Variants in GRM7 observed in about 807,000 individuals in gnomAD.
The protein encoded by GRM7 is metabotropic glutamate receptor 7.
GRM7 carries 35 observed loss-of-function variants against 84.5 expected under a neutral mutation model. The observed-to-expected ratio is 0.41, with a 90% confidence interval of 0.32 to 0.55. The LOEUF (loss-of-function observed/expected upper bound fraction) is 0.55, where lower values mean the gene tolerates loss of function less well. Among genes scored for constraint, GRM7 ranks in the 20% least tolerant of loss-of-function variants. The pLI is 0.19. For synonymous variants in GRM7, 487 were observed against 455.1 expected, an observed-to-expected ratio of 1.07 and a Z score of -0.89; for missense variants, 1,003 against 1,194.6, an observed-to-expected ratio of 0.84 and a Z score of 2.36.
intron 1 of GRM7, among the ~76,000 whole-genome samples, chr3:6,923,278 C>A (rs1575019030): frequency 6.6e-6 from 1 of 151,966 alleles, no homozygotes. Context: ...GTCTCCCAAA[C>A]TGCTGGGATT....
intron 8 of GRM7, among the ~76,000 whole-genome samples, chr3:7,664,476 A>G (rs761620262): frequency 2.6e-5 from 4 of 152,084 alleles, no homozygotes; most frequent in South Asian, 4.1e-4. Flanking sequence ...ATGTGTTACT[A>G]TGGGCAAAGT....
At chr3:7,097,135 G>A (rs937089633) in intron 1 of GRM7, among the ~76,000 whole-genome samples, 4 of 152,136 alleles carry the variant, frequency 2.6e-5, no homozygotes, top group Admixed American at 2.6e-4. Flanking sequence ...ACACTGAGTT[G>A]ATCACTTACT....
At chr3:6,998,118 T>TAAAAAA (rs1694884902) in intron 1 of GRM7, among the ~76,000 whole-genome samples, 2 of 874 alleles carry the variant, frequency 2.3e-3, no homozygotes, top group African/African-American at 2.9e-3. Context: ...AATCTCCATC[T>TAAAAAA]CAAAAAAAAA....
intron 1 of GRM7, among the ~76,000 whole-genome samples, chr3:6,954,876 A>G (rs575507690): frequency 1.9e-4 from 29 of 152,346 alleles, no homozygotes; most frequent in Admixed American, 1.6e-3. Flanking sequence ...AGTAGGTAGA[A>G]TATTGAGATT....
chr3:7,498,095 G>A (rs73810669), intron 7 of GRM7, among the ~76,000 whole-genome samples: 340 of 152,230 alleles, frequency 2.2e-3, no homozygotes, highest in African/African-American at 7.9e-3. Flanking sequence ...CTCTCTTCAA[G>A]TATATACAAA....
intron 1 of GRM7, among the ~76,000 whole-genome samples, chr3:7,004,537 G>T (rs891951418): frequency 6.6e-6 from 1 of 152,070 alleles, no homozygotes; most frequent in Non-Finnish European, 1.5e-5. Context: ...AAAGGGTTAC[G>T]TGAAATATCT....
At chr3:6,932,249 C>T (rs557635036) in intron 1 of GRM7, among the ~76,000 whole-genome samples, 4 of 152,248 alleles carry the variant, frequency 2.6e-5, no homozygotes, top group South Asian at 4.2e-4. Context: ...CTTTGCCTAC[C>T]GAGGGCCCAC....
At chr3:6,898,532 G>A (rs1404337437) in intron 1 of GRM7, among the ~76,000 whole-genome samples, 2 of 152,058 alleles carry the variant, frequency 1.3e-5, no homozygotes, top group African/African-American at 4.8e-5. Flanking sequence ...TAACATCAGA[G>A]TTCCCTCCTT....
chr3:7,207,698 G>T (rs571790969), intron 2 of GRM7, among the ~76,000 whole-genome samples: 58 of 152,270 alleles, frequency 3.8e-4, no homozygotes, highest in African/African-American at 1.2e-3. Flanking sequence ...TTCAGCTTAG[G>T]ACACTAATTG....
chr3:7,577,333 A>C (rs1363877074), intron 7 of GRM7, among the ~76,000 whole-genome samples: 3 of 152,220 alleles, frequency 2.0e-5, no homozygotes, highest in African/African-American at 7.2e-5. Flanking sequence ...TATTGTAACA[A>C]GTCCATATGA....
At chr3:7,293,861 G>A (rs2125014571) in intron 2 of GRM7, among the ~76,000 whole-genome samples, 1 of 152,266 alleles carries the variant, frequency 6.6e-6, no homozygotes, top group African/African-American at 2.4e-5. Flanking sequence ...TTTTAAACCT[G>A]CCACATTCTT....
chr3:7,401,501 C>T (rs1695450893), intron 4 of GRM7, among the ~76,000 whole-genome samples: 1 of 152,078 alleles, frequency 6.6e-6, no homozygotes, highest in African/African-American at 2.4e-5. Flanking sequence ...AATAGCACTC[C>T]ACATTGAGAT....
Position 7,258,738 on chromosome 3 carries a change from A to G in GRM7, c.737-39946A>G, listed in dbSNP as rs193241489. Among the ~76,000 whole-genome samples the G allele has an allele frequency of 1.3e-3, 192 of 152,330 alleles. 1 individual carries two copies. The highest frequency in any genetic ancestry group is 4.4e-3 in the African/African-American group (181 of 41,586). ...AGTAGGCCTAGGAATATTTTCCACA[A>G]TCCATCATCTCCTTCTGATTTGTTT... On this transcript the variant is annotated intron_variant, in intron 2 of 9. Transcript: ENST00000357716.
chr3:6,892,339 G>C (rs1165236256), intron 1 of GRM7, among the ~76,000 whole-genome samples: 1 of 151,660 alleles, frequency 6.6e-6, no homozygotes, highest in African/African-American at 2.4e-5. Flanking sequence ...TGTTGGGTCA[G>C]CGAGGCAGGC....
chr3:7,494,452 TC>T (rs1283150101), intron 7 of GRM7, among the ~76,000 whole-genome samples: 1 of 152,228 alleles, frequency 6.6e-6, no homozygotes, highest in Non-Finnish European at 1.5e-5. Flanking sequence ...TTTAGATTTA[TC>T]CTTTTGGAGA....
At chr3:7,030,186 A>G (rs1696138305) in intron 1 of GRM7, among the ~76,000 whole-genome samples, 1 of 152,242 alleles carries the variant, frequency 6.6e-6, no homozygotes. Flanking sequence ...AAAAATACAA[A>G]TGAAAAAGGA....
In GRM7 at chr3:6,862,309, G is replaced by A. The variant is rs1016344199; in HGVS notation, c.519+402G>A. On this transcript the variant is annotated intron_variant, in intron 1 of 9. Transcript: ENST00000357716. This position sits in a 1 kb window ranked among gnomAD's most constrained non-coding sequence, Gnocchi z 5.2. Reference sequence around the variant, plus strand: ...AAGATGAGACGATGCCTGGAAACCGGGCATTTCCCAACTCCCCAGCTTCCC... The same window carrying A: ...AAGATGAGACGATGCCTGGAAACCGAGCATTTCCCAACTCCCCAGCTTCCC... Among the ~76,000 whole-genome samples, 1 of 151,990 alleles carries A rather than the reference G, an allele frequency of 6.6e-6. No individual in the cohort carries two copies. Among genetic ancestry groups the A allele is most frequent in the Non-Finnish European group, 1.5e-5 (1 of 67,994 alleles).
intron 1 of GRM7, among the ~76,000 whole-genome samples, chr3:6,920,799 G>A (rs909544243): frequency 6.6e-6 from 1 of 152,050 alleles, no homozygotes; most frequent in Non-Finnish European, 1.5e-5. Context: ...AGTTACCTGA[G>A]AAGGGCCTTC....
In GRM7 at chr3:7,740,268, T is replaced by G. The variant is rs1702644613; in HGVS notation, c.2699-89T>G. Reference sequence around the variant, plus strand: ...AGAGCTGTATCACCTCACTTTGACTTTGCACCTCAAGTGAAAAGTTCTAAT... The same window carrying G: ...AGAGCTGTATCACCTCACTTTGACTGTGCACCTCAAGTGAAAAGTTCTAAT... On this transcript the variant is annotated intron_variant, in intron 9 of 9. Transcript: ENST00000357716. 4.8e-6 allele frequency: 4 copies of G among 833,832 alleles called. No homozygotes were observed. The Admixed American group carries it at 6.8e-5, about 14-fold the overall frequency. 51.7% of individuals were successfully genotyped at this position (833,832 alleles called of 1,614,324 possible).
Sources: allele counts gnomAD v4.1 joint callset (sites outside exome capture counted in the v4.1 genomes callset), GRCh38; gene constraint gnomAD v4.1.1; non-coding constraint Gnocchi (gnomAD v3.1); transcripts MANE v1.5; gene names NCBI Gene and HGNC (gene_info 2026-07-23, HGNC 2026-07-21).